The following NEMP2 variants were observed in gnomAD, a reference collection of about 807,000 sequenced individuals.
The protein encoded by NEMP2 is nuclear envelope integral membrane protein 2.
In NEMP2, 53 loss-of-function variants were observed where a neutral mutation model predicts 54.2. That is an observed-to-expected ratio of 0.98 (90% CI 0.78 to 1.23). NEMP2 has a LOEUF of 1.23. Ranked by LOEUF, NEMP2 falls within the 50% of genes most tolerant of loss-of-function variation. NEMP2 has a pLI of 0.00. For missense variants in NEMP2, 455 were observed against 511.3 expected (o/e 0.89, Z 1.06); for synonymous variants, 197 against 190.3 (o/e 1.04, Z -0.29).
At chr2:190,545,666 T>C in the NEMP2 span, among the ~76,000 whole-genome samples, 2 of 152,254 alleles carry the variant, frequency 1.3e-5, no homozygotes, top group East Asian at 1.9e-4. Context: ...TTTTCTTTCA[T>C]GTGTTTTTGG....
chr2:190,485,663 C>A, the NEMP2 span, among the ~76,000 whole-genome samples: 1 of 152,054 alleles, frequency 6.6e-6, no homozygotes, highest in African/African-American at 2.4e-5. The surrounding 1 kb of genome is among the most constrained non-coding windows in gnomAD (Gnocchi z 5.1). Context: ...TAAGACTATC[C>A]AGGCATTATT....
chr2:190,457,777 C>A, the NEMP2 span, among the ~76,000 whole-genome samples: 2 of 152,092 alleles, frequency 1.3e-5, no homozygotes, highest in Non-Finnish European at 2.9e-5. The surrounding 1 kb of genome is among the most constrained non-coding windows in gnomAD (Gnocchi z 5.1). Flanking sequence ...CAGTTATGAC[C>A]ACTCCTGAGA....
At chr2:190,590,806 GATTCTT>G in the NEMP2 span, among the ~76,000 whole-genome samples, 1 of 152,154 alleles carries the variant, frequency 6.6e-6, no homozygotes, top group Non-Finnish European at 1.5e-5. The surrounding 1 kb of genome is among the most constrained non-coding windows in gnomAD (Gnocchi z 5.1). Context: ...GTCTTAACCA[GATTCTT>G]ATTCTTATTT....
chr2:190,446,586 G>A, the NEMP2 span, among the ~76,000 whole-genome samples: 1 of 152,136 alleles, frequency 6.6e-6, no homozygotes, highest in African/African-American at 2.4e-5. Context: ...TTAAAATTTG[G>A]GGGATCAGAG....
Position 190,520,193 on chromosome 2 carries a change from A to C in NEMP2, c.214-1010T>G, listed in dbSNP as rs991798354. Among the ~76,000 whole-genome samples, 35 of 152,164 alleles carry C rather than the reference A, an allele frequency of 2.3e-4. No homozygotes were observed. Among genetic ancestry groups the C allele is most frequent in the African/African-American group, 8.4e-4 (35 of 41,426 alleles). On this transcript the variant is annotated intron_variant, in intron 2 of 8. Transcript: ENST00000409150. This position sits in a 1 kb window ranked among gnomAD's most constrained non-coding sequence, Gnocchi z 5.4. The stretch of plus-strand genomic sequence containing the variant: ...CTATATGAGTAGGCATAGTTTGAAA[A>C]TAGGGTTTATATTTACACCATTTTC...
rs372680846 is a variant in NEMP2 at position 190,507,508 on chromosome 2, A to AT, written c.*1680dup. The AT allele has an allele frequency of 7.2e-5, 11 of 152,200 alleles. No homozygotes were observed. The highest frequency in any genetic ancestry group is 2.2e-4 in the African/African-American group (9 of 41,434). 9.4% of individuals were successfully genotyped at this position (152,200 alleles called of 1,614,324 possible). ...TACATTTATATCACCAATAAATATA[A>AT]TTTAAAAAAACAGATTAAACCATAA... On this transcript the variant is annotated 3_prime_UTR_variant, in exon 9 of 9. Coordinates refer to ENST00000409150, the MANE Select transcript of NEMP2 (RefSeq NM_001142645.2). The surrounding 1 kb of genome is among the most constrained non-coding windows in gnomAD (Gnocchi z 4.4).
At chr2:190,543,136 C>T in the NEMP2 span, among the ~76,000 whole-genome samples, 74 of 152,292 alleles carry the variant, frequency 4.9e-4, no homozygotes, top group South Asian at 0.013. This position sits in a 1 kb window ranked among gnomAD's most constrained non-coding sequence, Gnocchi z 4.7. Context: ...GCCCAGTTTG[C>T]CTGGCACTAA....
At position 190,521,329 on chromosome 2, in the gene NEMP2, C is replaced by G. The variant is rs1196679005; in HGVS notation, c.214-2146G>C. On this transcript the variant is annotated intron_variant, in intron 2 of 8. Transcript: ENST00000409150. The surrounding 1 kb of genome is among the most constrained non-coding windows in gnomAD (Gnocchi z 6.2). ...CCACCTACCTGTCAGCACCTGCAGG[C>G]ACATGCTCTGCTTCCTGCCTGTGGG... 1.3e-5 allele frequency among the ~76,000 whole-genome samples: 2 copies of G among 152,178 alleles called. No homozygotes were observed. The highest frequency in any genetic ancestry group is 2.4e-5 in the African/African-American group (1 of 41,450).
chr2:190,439,497 G>T, the NEMP2 span, among the ~76,000 whole-genome samples: 1 of 152,058 alleles, frequency 6.6e-6, no homozygotes, highest in Non-Finnish European at 1.5e-5. This position sits in a 1 kb window ranked among gnomAD's most constrained non-coding sequence, Gnocchi z 5.8. Context: ...AAGAAAAGAT[G>T]GTTCTCTTCT....
the NEMP2 span, chr2:190,497,306 C>G: frequency 1.0e-6 from 1 of 977,048 alleles, no homozygotes; most frequent in Non-Finnish European, 1.5e-6. This position sits in a 1 kb window ranked among gnomAD's most constrained non-coding sequence, Gnocchi z 5.2. Context: ...TCATTGGTAA[C>G]CAGCAATTTA....
upstream of NEMP2, among the ~76,000 whole-genome samples, chr2:190,537,141 C>T (rs971842633): frequency 1.2e-4 from 18 of 152,080 alleles, no homozygotes; most frequent in Non-Finnish European, 2.9e-5. Flanking sequence ...TAGAGAATTT[C>T]AGCAGAAAGA....
the NEMP2 span, among the ~76,000 whole-genome samples, chr2:190,576,869 T>C: frequency 0.42 from 63,389 of 152,044 alleles, 14,501 homozygotes; most frequent in Non-Finnish European, 0.53. Flanking sequence ...GTAGGCACTT[T>C]ATAGGCAAAG....
intron 2 of NEMP2, among the ~76,000 whole-genome samples, chr2:190,524,578 CAAATGTTACCTTCTCAACGAGA>C (rs1186275248): frequency 6.6e-6 from 1 of 152,198 alleles, no homozygotes; most frequent in Admixed American, 6.5e-5. Flanking sequence ...AAATCTTCCT[CAAATGTTACCTTCTCAACGAGA>C]ACTACCCTGG....
the NEMP2 span, among the ~76,000 whole-genome samples, chr2:190,565,334 A>G: frequency 6.6e-6 from 1 of 152,208 alleles, no homozygotes; most frequent in Non-Finnish European, 1.5e-5. Context: ...AGCACTATTA[A>G]TCAGGGAACT....
At chr2:190,480,097 AAG>A in the NEMP2 span, among the ~76,000 whole-genome samples, 10 of 152,328 alleles carry the variant, frequency 6.6e-5, no homozygotes, top group Admixed American at 5.9e-4. Context: ...CAAAAGGTTG[AAG>A]CTGCAGTGAC....
At chr2:190,460,529 C>A in the NEMP2 span, among the ~76,000 whole-genome samples, 3 of 152,080 alleles carry the variant, frequency 2.0e-5, no homozygotes, top group Non-Finnish European at 4.4e-5. Context: ...TCTTCCGTTC[C>A]GGACTATTTA....
At chr2:190,534,748 G>C, upstream of NEMP2, 1 of 990,524 alleles carries the variant, frequency 1.0e-6, no homozygotes, top group Non-Finnish European at 1.3e-6. Flanking sequence ...AGAAGGCGGA[G>C]GGGGCGGTGA....
chr2:190,526,604 A>G (rs1690945185), intron 1 of NEMP2, among the ~76,000 whole-genome samples: 1 of 152,234 alleles, frequency 6.6e-6, no homozygotes, highest in African/African-American at 2.4e-5. Context: ...TTAAATCAGC[A>G]GGCTTTACAG....
the NEMP2 span, among the ~76,000 whole-genome samples, chr2:190,464,623 G>C: frequency 1.3e-5 from 2 of 152,092 alleles, no homozygotes; most frequent in South Asian, 2.1e-4. Flanking sequence ...TGCTCTTTCT[G>C]CCCTCTTTGG....
Sources: allele counts gnomAD v4.1 joint callset (sites outside exome capture counted in the v4.1 genomes callset), GRCh38; gene constraint gnomAD v4.1.1; non-coding constraint Gnocchi (gnomAD v3.1); transcripts MANE v1.5; gene names NCBI Gene and HGNC (gene_info 2026-07-23, HGNC 2026-07-21).